The following C4orf50 variants were observed in gnomAD, a reference collection of about 807,000 sequenced individuals.
The protein encoded by C4orf50 is uncharacterized protein C4orf50.
A neutral mutation model predicts 77.2 loss-of-function variants in C4orf50; 80 were observed. The ratio of observed to expected loss-of-function variants is 1.04; its 90% CI spans 0.87 to 1.25. The LOEUF (loss-of-function observed/expected upper bound fraction) is 1.25, where lower values mean the gene tolerates loss of function less well. C4orf50 is among the 50% of genes most tolerant of loss of function. C4orf50 has a pLI of 0.00. For synonymous variants in C4orf50, 532 were observed against 465.3 expected, an observed-to-expected ratio of 1.14 and a Z score of -1.84; for missense variants, 1,257 against 1,152.9, an observed-to-expected ratio of 1.09 and a Z score of -1.31.
chr4:5,983,553 ACTGGTATTGGACAACTATAGAAT>A (rs1720712248), intron 28 of C4orf50, among the ~76,000 whole-genome samples: 1 of 152,028 alleles, frequency 6.6e-6, no homozygotes, highest in Non-Finnish European at 1.5e-5. Context: ...ACTCCTACTC[ACTGGTATTGGACAACTATAGAAT>A]CTGGGGAGAA....
At chr4:5,937,844 C>T (rs1718095058) in intron 7 of C4orf50, among the ~76,000 whole-genome samples, 1 of 152,184 alleles carries the variant, frequency 6.6e-6, no homozygotes, top group Non-Finnish European at 1.5e-5. Context: ...ACAAAGGTTA[C>T]TACCTAATTG....
chr4:5,912,444 G>T (rs145457363), intron 7 of C4orf50, among the ~76,000 whole-genome samples: 187 of 152,318 alleles, frequency 1.2e-3, no homozygotes, highest in African/African-American at 4.3e-3. Flanking sequence ...AAGAAAAGGA[G>T]CTGGGATGAG....
chr4:5,975,851 C>A (rs370755643), intron 30 of C4orf50, 48 bp downstream of exon 8: 10 of 1,404,620 alleles, frequency 7.1e-6, no homozygotes, highest in Non-Finnish European at 9.1e-6. Flanking sequence ...ACTAAACTCT[C>A]TTTTGTTTTG....
chr4:6,018,102 G>A lies in C4orf50; in HGVS notation c.287+43C>T, dbSNP rs999239863. 5.5e-5 allele frequency: 22 copies of A among 398,050 alleles called. No individual in the cohort carries two copies. The highest frequency in any genetic ancestry group is 6.2e-4 in the Middle Eastern group (1 of 1,610). 24.7% of individuals were successfully genotyped at this position (398,050 alleles called of 1,614,324 possible). The stretch of plus-strand genomic sequence containing the variant: ...TGGTGACACACTCTGATGGCCCCGC[G>A]GTTTGTGAAATACACACAGAGAGAT... On this transcript the variant is annotated intron_variant, in intron 23 of 33. Transcript: ENST00000531445. This position sits in a 1 kb window ranked among gnomAD's most constrained non-coding sequence, Gnocchi z 5.1.
intron 7 of C4orf50, among the ~76,000 whole-genome samples, chr4:5,931,478 C>T (rs545757396): frequency 6.6e-6 from 1 of 152,304 alleles, no homozygotes; most frequent in African/African-American, 2.4e-5. Flanking sequence ...ACAGAAGAGA[C>T]AAAGGAAGTC....
intron 33 of C4orf50, 80 bp from the exon 12 acceptor site, chr4:5,959,706 G>T (rs1719168520): frequency 6.7e-7 from 1 of 1,501,128 alleles, no homozygotes. Flanking sequence ...TTAATCAAAG[G>T]AAGAGATGAC....
intron 7 of C4orf50, among the ~76,000 whole-genome samples, chr4:5,913,998 G>T (rs1000410754): frequency 2.0e-5 from 3 of 152,064 alleles, no homozygotes; most frequent in Non-Finnish European, 4.4e-5. Context: ...AATAACAAGG[G>T]TTGAGAAAGG....
intron 7 of C4orf50, among the ~76,000 whole-genome samples, chr4:5,917,656 C>T (rs1164030372): frequency 6.6e-6 from 1 of 152,084 alleles, no homozygotes; most frequent in Non-Finnish European, 1.5e-5. Context: ...TCGTGATCCG[C>T]TCACCTTGGC....
At chr4:6,004,127 G>T (rs200910546) in intron 25 of C4orf50, among the ~76,000 whole-genome samples, 1 of 121,408 alleles carries the variant, frequency 8.2e-6, no homozygotes, top group Non-Finnish European at 1.8e-5. Context: ...TGGTGATAGT[G>T]ATGATGGTGA....
At chr4:5,952,899 T>C (rs548794305), downstream of C4orf50, among the ~76,000 whole-genome samples, 1 of 152,320 alleles carries the variant, frequency 6.6e-6, no homozygotes, top group East Asian at 1.9e-4. The surrounding 1 kb of genome is among the most constrained non-coding windows in gnomAD (Gnocchi z 4.4). Context: ...TTGAATTCCC[T>C]ATCGTAAGTT....
intron 7 of C4orf50, among the ~76,000 whole-genome samples, chr4:5,907,124 C>T (rs1175530600): frequency 2.6e-5 from 4 of 152,148 alleles, no homozygotes; most frequent in Non-Finnish European, 5.9e-5. Context: ...TGCTCCACTA[C>T]GAGGACAAAG....
chr4:5,933,650 G>A lies in C4orf50; in HGVS notation c.*2474+23251C>T, dbSNP rs139361941. ...GCTACTAAGTGAGCTGGGGGTTAGG[G>A]GCGTACTCAGCAGGAGTTGTTTTGA... On this transcript the variant is annotated intron_variant, in intron 7 of 7. Coordinates refer to the C4orf50 transcript ENST00000324058. Among the ~76,000 whole-genome samples, 39 of 152,316 alleles carry A rather than the reference G, an allele frequency of 2.6e-4. No homozygotes were observed. The East Asian group carries it at 7.5e-3, about 29-fold the overall frequency.
At chr4:5,935,605 G>A (rs190136360) in intron 7 of C4orf50, among the ~76,000 whole-genome samples, 4 of 152,080 alleles carry the variant, frequency 2.6e-5, no homozygotes, top group African/African-American at 9.6e-5. Flanking sequence ...GGCCAACATA[G>A]TGAAACCCCG....
intron 7 of C4orf50, chr4:5,902,034 C>T (rs961963055): frequency 6.6e-6 from 1 of 152,206 alleles, no homozygotes; most frequent in Non-Finnish European, 1.5e-5. Flanking sequence ...TCCCAGAACC[C>T]CAGGGCCTAC....
intron 7 of C4orf50, chr4:5,899,213 G>C (rs575458320): frequency 1.3e-5 from 2 of 152,344 alleles, no homozygotes; most frequent in East Asian, 3.8e-4. Flanking sequence ...TAGGAATGCA[G>C]TTTGCCATTG....
rs1171528489 is a variant in C4orf50, at chr4:5,970,445, A to G, written c.4105-2983T>C. 6.6e-6 allele frequency among the ~76,000 whole-genome samples: 1 copy of G among 152,186 alleles called. No individual in the cohort carries two copies. Among genetic ancestry groups the G allele is most frequent in the Admixed American group, 6.5e-5 (1 of 15,288 alleles). On this transcript the variant is annotated intron_variant, in intron 31 of 33. Coordinates refer to ENST00000531445, the Ensembl canonical transcript of C4orf50. This position sits in a 1 kb window ranked among gnomAD's most constrained non-coding sequence, Gnocchi z 4.3. ...CCCAAAACAGGCACCTGAGCTGGAC[A>G]GAATCAGCAGAGTAGGAGGAGGGAA...
intron 7 of C4orf50, among the ~76,000 whole-genome samples, chr4:5,907,740 C>A (rs1716617498): frequency 6.6e-6 from 1 of 151,988 alleles, no homozygotes; most frequent in Non-Finnish European, 1.5e-5. Context: ...AGTTGAGACC[C>A]AAATGACAAG....
At chr4:5,985,659 A>G (rs1018123234) in intron 28 of C4orf50, among the ~76,000 whole-genome samples, 1 of 152,118 alleles carries the variant, frequency 6.6e-6, no homozygotes, top group Non-Finnish European at 1.5e-5. Context: ...GACAAATAGA[A>G]AAAATAGTAA....
At chr4:5,912,528 A>T (rs968462443) in intron 7 of C4orf50, among the ~76,000 whole-genome samples, 1 of 152,202 alleles carries the variant, frequency 6.6e-6, no homozygotes, top group Non-Finnish European at 1.5e-5. Context: ...TAAAAGGGGT[A>T]TGATGGTGAA....
Sources: allele counts gnomAD v4.1 joint callset (sites outside exome capture counted in the v4.1 genomes callset), GRCh38; gene constraint gnomAD v4.1.1; non-coding constraint Gnocchi (gnomAD v3.1); transcripts MANE v1.5; gene names NCBI Gene and HGNC (gene_info 2026-07-23, HGNC 2026-07-21).